MACF1: variants seen among roughly 807,000 people sequenced by gnomAD.
MACF1 encodes the protein microtubule-actin cross-linking factor 1.
MACF1 carries 193 observed loss-of-function variants against 854.8 expected under a neutral mutation model. The ratio of observed to expected loss-of-function variants is 0.23; its 90% CI spans 0.20 to 0.25. The LOEUF is 0.25. MACF1 is among the 10% of genes least tolerant of loss of function. MACF1 has a pLI of 1.00. For missense variants in MACF1, 7,722 were observed against 8,929.1 expected (o/e 0.86, Z 5.45); for synonymous variants, 3,185 against 3,226.7 (o/e 0.99, Z 0.44).
intron 58 of MACF1, among the ~76,000 whole-genome samples, chr1:39,415,054 A>G (rs186353098): frequency 2.0e-5 from 3 of 152,214 alleles, no homozygotes; most frequent in South Asian, 2.1e-4. Flanking sequence ...ATTCTTTTCA[A>G]ATAGGTATGT....
rs978189954 is a variant in MACF1 at position 39,254,162 on chromosome 1, G to A, written c.358-136G>A. Reference sequence around the variant, plus strand: ...CAGGCCTGGTCTTAGGGGGTGCTTTGTGTAATGCTCCCAGGCCTGGCTTCT... The same window carrying A: ...CAGGCCTGGTCTTAGGGGGTGCTTTATGTAATGCTCCCAGGCCTGGCTTCT... On this transcript the variant is annotated intron_variant, in intron 4 of 100. Coordinates refer to ENST00000564288, the MANE Select transcript of MACF1 (RefSeq NM_001394062.1). 5 of 706,120 alleles carry A rather than the reference G, an allele frequency of 7.1e-6. No individual in the cohort carries two copies. The African/African-American group carries it at 8.8e-5, about 12-fold the overall frequency. The allele number at this position is 706,120 out of a possible 1,614,324, so 43.7% of individuals were successfully genotyped here.
chr1:39,412,239 T>C, intron 58 of MACF1: 1 of 1,614,008 alleles, frequency 6.2e-7, no homozygotes, highest in South Asian at 1.1e-5. Flanking sequence ...CTTTTAATCA[T>C]GAACTAACAG....
Position 39,105,638 on chromosome 1 carries a change from G to A in MACF1, c.220+21200G>A. On this transcript the variant is annotated intron_variant, in intron 2 of 93. Coordinates refer to the MACF1 transcript ENST00000361689. This position sits in a 1 kb window ranked among gnomAD's most constrained non-coding sequence, Gnocchi z 5.9. ...TGCGGGCGGCCATGGCCGGCTACGT[G>A]CCGGGTCAGCAGCCGGCCAACCGCA... 4.9e-6 allele frequency: 6 copies of A among 1,233,016 alleles called. No homozygotes were observed. The South Asian group carries it at 8.0e-5, about 16-fold the overall frequency. 76.4% of individuals were successfully genotyped at this position (1,233,016 alleles called of 1,614,324 possible).
In MACF1 at chr1:39,264,706, G is replaced by A. The variant is rs528292221; in HGVS notation, c.528+6678G>A. Among the ~76,000 whole-genome samples, 12 of 123,184 alleles carry A rather than the reference G, an allele frequency of 9.7e-5. No individual in the cohort carries two copies. In the South Asian group the frequency reaches 2.0e-3, roughly 21 times the overall value. The allele number at this position is 123,184 out of a possible 152,430, so 80.8% of individuals were successfully genotyped here. On this transcript the variant is annotated intron_variant, in intron 6 of 100. Transcript: ENST00000564288. ...TTTTGAGACGGAGTCTCGCTCTGTC[G>A]CCCAGGCCGGACTGCGGACTGCAGT... is the stretch of plus-strand genomic sequence containing the variant.
intron 33 of MACF1, among the ~76,000 whole-genome samples, chr1:39,323,846 T>C (rs1329921332): frequency 6.6e-6 from 1 of 152,208 alleles, no homozygotes; most frequent in Non-Finnish European, 1.5e-5. Context: ...TCTCTTCTCT[T>C]CTTACAGATT....
In MACF1 at chr1:39,335,380, A is replaced by T; in HGVS notation, c.8792A>T (p.Asp2931Val). The T allele has an allele frequency of 6.2e-7, 1 of 1,614,080 alleles. No individual in the cohort carries two copies. Among genetic ancestry groups the T allele is most frequent in the Non-Finnish European group, 8.5e-7 (1 of 1,179,958 alleles). Residue 2931 changes from aspartate to valine, a missense_variant, in exon 37 of 101, where the codon GAT becomes GTT. Transcript: ENST00000564288. ...ATGAAGCAGTCTACCTCATGTCTAG[A>T]TTCTGAAGAAATAAGAGAAAATCAA... ...SHMKQSTSCLDSEEIRENQGE... is the reference protein window; with the variant it reads ...SHMKQSTSCLVSEEIRENQGE...
chr1:39,327,251 G>A lies in MACF1; in HGVS notation c.4512G>A (p.Glu1504=). ...LSEKEKKQIS[E]QLNALNKAYH... ...AAAAAGAGAAGAAACAAATATCTGA[G>A]CAATTGAATGCCCTAAACAAGGCTT... The change falls in exon 36 of 101, where the codon GAG becomes GAA. Residue 1504 remains glutamate, a synonymous_variant. Coordinates refer to ENST00000564288, the MANE Select transcript of MACF1 (RefSeq NM_001394062.1). The A allele has an allele frequency of 6.3e-7, 1 of 1,593,390 alleles. No homozygotes were observed. The highest frequency in any genetic ancestry group is 8.6e-7 in the Non-Finnish European group (1 of 1,163,908).
intron 58 of MACF1, chr1:39,412,388 A>G (rs374471195): frequency 1.7e-5 from 27 of 1,613,942 alleles, no homozygotes; most frequent in Non-Finnish European, 2.1e-5. Context: ...GTCACTTGTG[A>G]ATTGTCTGTG....
At chr1:39,114,407 A>G (rs1642495371) in intron 2 of MACF1, among the ~76,000 whole-genome samples, 1 of 152,124 alleles carries the variant, frequency 6.6e-6, no homozygotes, top group Non-Finnish European at 1.5e-5. Context: ...AGTAATCCAC[A>G]TACATAAGAA....
At chr1:39,130,137 C>T (rs1322234032) in intron 2 of MACF1, among the ~76,000 whole-genome samples, 1 of 152,130 alleles carries the variant, frequency 6.6e-6, no homozygotes, top group Non-Finnish European at 1.5e-5. Flanking sequence ...GGGAAAAGAT[C>T]CCTTTCAGAG....
chr1:39,166,151 T>C (rs1399897618), intron 2 of MACF1, among the ~76,000 whole-genome samples: 3 of 150,398 alleles, frequency 2.0e-5, no homozygotes. Flanking sequence ...CACTGCAACC[T>C]CTGCCTCCCA....
chr1:39,420,181 GA>G (rs1643480207), intron 58 of MACF1, among the ~76,000 whole-genome samples: 1 of 152,204 alleles, frequency 6.6e-6, no homozygotes, highest in Non-Finnish European at 1.5e-5. Context: ...GGAAAGCACA[GA>G]AAGAATTTAA....
At chr1:39,202,453 G>A (rs1034682828), upstream of MACF1, among the ~76,000 whole-genome samples, 3 of 151,202 alleles carry the variant, frequency 2.0e-5, no homozygotes, top group Non-Finnish European at 4.4e-5. Context: ...TGGCCAATGC[G>A]GTGAAACCCC....
chr1:39,380,095 G>A (rs953332533), intron 54 of MACF1, 149 bp from the exon 55 acceptor site: 6 of 670,182 alleles, frequency 9.0e-6, no homozygotes, highest in Non-Finnish European at 1.2e-5. Context: ...AAGTAGAAGG[G>A]TTAAGTATCT....
At chr1:39,201,930 G>A (rs1644394441), upstream of MACF1, among the ~76,000 whole-genome samples, 1 of 142,098 alleles carries the variant, frequency 7.0e-6, no homozygotes, top group South Asian at 2.3e-4. Context: ...TCTCCAGATA[G>A]CCACATGACT....
chr1:39,196,703 A>G (rs576484813), intron 2 of MACF1, among the ~76,000 whole-genome samples: 1 of 152,302 alleles, frequency 6.6e-6, no homozygotes, highest in South Asian at 2.1e-4. Context: ...TTTAGTCTGA[A>G]TCTGCTAAAG....
intron 40 of MACF1, 121 bp from the exon 41 acceptor site, chr1:39,346,856 T>TA: frequency 1.4e-6 from 1 of 696,896 alleles, no homozygotes; most frequent in South Asian, 1.7e-5. Context: ...CTAGAATCAT[T>TA]AGTGCCAGTT....
In MACF1 at chr1:39,379,429, A is replaced by G. The variant is rs776118385; in HGVS notation, c.13503A>G (p.Gln4501=). 5.0e-6 allele frequency: 8 copies of G among 1,613,674 alleles called. No individual in the cohort carries two copies. The South Asian group carries it at 5.5e-5, about 11-fold the overall frequency. Residue 4501 remains glutamine, a synonymous_variant, in exon 54 of 101, where the codon CAA becomes CAG. Transcript: ENST00000564288. ...CCAAGACAGAAACAGTGAAAGCCCAAGCTGAATCTAACAAGGTACTGTGTT... is the reference window on the plus strand; with the variant it reads ...CCAAGACAGAAACAGTGAAAGCCCAGGCTGAATCTAACAAGGTACTGTGTT... ...SPTKTETVKA[Q]AESNKAFLAE...
At chr1:39,174,671 C>T (rs946617921) in intron 2 of MACF1, among the ~76,000 whole-genome samples, 37 of 152,062 alleles carry the variant, frequency 2.4e-4, no homozygotes, top group African/African-American at 7.7e-4. Flanking sequence ...AAAGCAAGGG[C>T]GAGGGTTGGG....
Sources: gnomAD v4.1 joint callset for allele counts (sites outside exome capture counted in the v4.1 genomes callset) on GRCh38, gnomAD v4.1.1 for gene constraint, Gnocchi (gnomAD v3.1) non-coding constraint, MANE v1.5 for transcripts, NCBI Gene and HGNC (gene_info 2026-07-23, HGNC 2026-07-21) for gene names.